Variants in TNIP1 observed in about 807,000 individuals in gnomAD.
The protein encoded by TNIP1 is TNFAIP3 interacting protein 1, also known as TNFAIP3-interacting protein 1.
TNIP1 carries 22 observed loss-of-function variants against 86.6 expected under a neutral mutation model. The ratio of observed to expected loss-of-function variants is 0.25; its 90% confidence interval spans 0.18 to 0.36. The LOEUF is 0.36. Ranked by LOEUF, TNIP1 falls within the 10% of genes least tolerant of loss-of-function variation. The pLI, the probability that TNIP1 is intolerant of heterozygous loss-of-function variation, is 1.00. For missense variants in TNIP1, 709 were observed against 820.6 expected, an observed-to-expected ratio of 0.86 and a Z score of 1.66; for synonymous variants, 294 against 313.0, an observed-to-expected ratio of 0.94 and a Z score of 0.64.
rs576571380 is a variant in TNIP1 at position 151,063,165 on chromosome 5, C to T, written c.271+448G>A. On this transcript the variant is annotated intron_variant, in intron 3 of 17. Coordinates refer to ENST00000521591, the MANE Select transcript of TNIP1 (RefSeq NM_006058.5). ...CTAACAGGCAAGCCCAGCTTCTTCC[C>T]TGGGCCTCAGCTTCCCTAATTGTAA... 5.9e-5 allele frequency among the ~76,000 whole-genome samples: 9 copies of T among 152,350 alleles called. No individual in the cohort carries two copies. The South Asian group carries it at 1.9e-3, about 32-fold the overall frequency.
At chr5:151,081,326 G>A (rs1034907685), upstream of TNIP1, among the ~76,000 whole-genome samples, 1 of 152,146 alleles carries the variant, frequency 6.6e-6, no homozygotes, top group African/African-American at 2.4e-5. Flanking sequence ...CACCTTGAAA[G>A]CCGGAATTTC....
chr5:151,063,532 C>T (rs1259667088), intron 3 of TNIP1, 81 bp downstream of exon 3: 64 of 1,552,820 alleles, frequency 4.1e-5, no homozygotes, highest in Non-Finnish European at 4.9e-5. Flanking sequence ...TGGGTTTTGG[C>T]ATAAGAAGGG....
chr5:151,074,831 T>A (rs1322165392), intron 1 of TNIP1, among the ~76,000 whole-genome samples: 1 of 152,172 alleles, frequency 6.6e-6, no homozygotes. Context: ...CAGGCTGGAG[T>A]GCAGTGGCAT....
intron 6 of TNIP1, among the ~76,000 whole-genome samples, chr5:151,056,275 G>A (rs1211809653): frequency 6.6e-6 from 1 of 152,178 alleles, no homozygotes; most frequent in Admixed American, 6.5e-5. Context: ...AATAGGGGAG[G>A]CAGGTTGGGA....
intron 5 of TNIP1, 112 bp from the exon 6 acceptor site, chr5:151,057,069 C>A (rs377613322): frequency 5.9e-5 from 65 of 1,104,626 alleles, no homozygotes; most frequent in Admixed American, 3.7e-4. Flanking sequence ...CCCCTGTGAC[C>A]CCAGCTCAGC....
chr5:151,081,628 G>A (rs538981212), upstream of TNIP1, among the ~76,000 whole-genome samples: 196 of 152,348 alleles, frequency 1.3e-3, 7 homozygotes, highest in South Asian at 0.038. Flanking sequence ...CATTGTAGAT[G>A]CTTTGCGTGC....
In TNIP1 at chr5:151,063,868, A is replaced by C. The variant is rs977137696; in HGVS notation, c.137-121T>G. 2.3e-6 allele frequency: 3 copies of C among 1,278,592 alleles called. No homozygotes were observed. The African/African-American group carries it at 4.5e-5, about 19-fold the overall frequency. 79.2% of individuals were successfully genotyped at this position (1,278,592 alleles called of 1,614,324 possible). On this transcript the variant is annotated intron_variant, in intron 2 of 17. Coordinates refer to ENST00000521591, the MANE Select transcript of TNIP1 (RefSeq NM_006058.5). ...TCTGAGGCTCCAGGCCCTGGACTTC[A>C]CTCCCACCGTTGCTCTGTGGGCCAA...
Position 151,052,201 on chromosome 5 carries a change from C to A in TNIP1, c.686G>T (p.Gly229Val), listed in dbSNP as rs777286257. ...NEALKAKLDK[G>V]LEQRDQAAER... ...GGCAGCCTGATCCCGCTGTTCCAGG[C>A]CCTTATCCAACTTGGCCTTCAGAGC... Residue 229 changes from glycine to valine, a missense_variant, in exon 7 of 18, where the codon GGC becomes GTC. Physicochemically the swap from Gly to Val is moderately radical, Grantham distance 109. Transcript: ENST00000521591. 6.2e-7 allele frequency: 1 copy of A among 1,614,096 alleles called. No individual in the cohort carries two copies. Among genetic ancestry groups the A allele is most frequent in the South Asian group, 1.1e-5 (1 of 91,086 alleles).
At chr5:151,051,872 T>C (rs1759967130) in intron 7 of TNIP1, among the ~76,000 whole-genome samples, 1 of 152,116 alleles carries the variant, frequency 6.6e-6, no homozygotes, top group African/African-American at 2.4e-5. Context: ...GGACAGCCAG[T>C]TCACCGTTAA....
At chr5:151,039,025 G>A in intron 12 of TNIP1, 72 bp downstream of exon 12, 1 of 1,549,314 alleles carries the variant, frequency 6.5e-7, no homozygotes, top group Non-Finnish European at 8.7e-7. Flanking sequence ...GGTTGGGGGT[G>A]CCAGTGATGG....
chr5:151,042,491 G>A (rs769934340), intron 11 of TNIP1, 49 bp downstream of exon 11: 24 of 1,593,018 alleles, frequency 1.5e-5, no homozygotes, highest in Non-Finnish European at 2.0e-5. Context: ...AGAACTCTCC[G>A]CTAATGTGGA....
chr5:151,032,016 T>C (rs752072174), intron 17 of TNIP1: 145 of 436,228 alleles, frequency 3.3e-4, no homozygotes, highest in Non-Finnish European at 5.4e-4. Context: ...CATTACGCTG[T>C]ATAAGGGCAA....
chr5:151,059,805 GAGAGA>G (rs1561512327), intron 5 of TNIP1, among the ~76,000 whole-genome samples: 69 of 112,114 alleles, frequency 6.2e-4, no homozygotes, highest in African/African-American at 2.9e-3. Context: ...GAGAGAGAGA[GAGAGA>G]GAGAGAGAGA....
chr5:151,053,173 GATCTC>G (rs2113569168), intron 6 of TNIP1, among the ~76,000 whole-genome samples: 1 of 128,040 alleles, frequency 7.8e-6, no homozygotes, highest in East Asian at 2.5e-4. Flanking sequence ...GCAGTAGCAT[GATCTC>G]AGCTCACTGC....
intron 11 of TNIP1, among the ~76,000 whole-genome samples, chr5:151,041,275 T>A (rs1758385008): frequency 1.3e-5 from 2 of 152,166 alleles, no homozygotes; most frequent in African/African-American, 4.8e-5. Flanking sequence ...TTCACCATGT[T>A]GGCCAGGCTG....
chr5:151,075,953 C>T (rs976126180), intron 1 of TNIP1, among the ~76,000 whole-genome samples: 13 of 152,234 alleles, frequency 8.5e-5, no homozygotes, highest in Non-Finnish European at 1.9e-4. Context: ...CACACCCCTG[C>T]CTGGGCTGCC....
At chr5:151,035,466 A>G in intron 14 of TNIP1, 116 bp downstream of exon 14, 1 of 1,471,608 alleles carries the variant, frequency 6.8e-7, no homozygotes, top group East Asian at 2.3e-5. Context: ...ATGATTGCAG[A>G]GCTGGAGAGA....
At chr5:151,083,088 G>T (rs534056310), upstream of TNIP1, among the ~76,000 whole-genome samples, 1 of 152,322 alleles carries the variant, frequency 6.6e-6, no homozygotes, top group East Asian at 1.9e-4. Context: ...ACAATGACAT[G>T]ATTTTTCTCA....
At chr5:151,075,584 G>A (rs761891202) in intron 1 of TNIP1, among the ~76,000 whole-genome samples, 2 of 152,212 alleles carry the variant, frequency 1.3e-5, no homozygotes, top group Non-Finnish European at 2.9e-5. Flanking sequence ...GTGAGAAAAT[G>A]CAGCATTTGG....
Sources: allele counts gnomAD v4.1 joint callset (sites outside exome capture counted in the v4.1 genomes callset), GRCh38; gene constraint gnomAD v4.1.1; transcripts MANE v1.5; gene names NCBI Gene and HGNC (gene_info 2026-07-23, HGNC 2026-07-21).